Variants in RIT2 observed in about 807,000 individuals in gnomAD.
The protein encoded by RIT2 is Ras like without CAAX 2, also known as GTP-binding protein Rit2.
A neutral mutation model predicts 23.7 loss-of-function variants in RIT2; 24 were observed. The ratio of observed to expected loss-of-function variants is 1.01; its 90% CI spans 0.73 to 1.43. RIT2 has a LOEUF of 1.43. Ranked by LOEUF, RIT2 falls within the 40% of genes most tolerant of loss-of-function variation. The pLI is 0.00. For missense variants in RIT2, 236 were observed against 266.9 expected (o/e 0.88, Z 0.81); for synonymous variants, 107 against 91.1 (o/e 1.17, Z -0.99).
chr18:43,067,213 C>G (rs1465987287), intron 1 of RIT2, among the ~76,000 whole-genome samples: 1 of 151,898 alleles, frequency 6.6e-6, no homozygotes, highest in Non-Finnish European at 1.5e-5. Flanking sequence ...TAAGGAGTGA[C>G]TAAAAGGAAA....
At chr18:43,054,477 G>T (rs1320708516) in intron 1 of RIT2, among the ~76,000 whole-genome samples, 1 of 152,024 alleles carries the variant, frequency 6.6e-6, no homozygotes, top group African/African-American at 2.4e-5. Context: ...ATGGACTCAA[G>T]AATATTAATT....
chr18:42,953,434 G>A (rs1315977211), intron 3 of RIT2, among the ~76,000 whole-genome samples: 1 of 152,098 alleles, frequency 6.6e-6, no homozygotes, highest in African/African-American at 2.4e-5. Flanking sequence ...GGTAAGGCCA[G>A]GAACAGCTGT....
intron 1 of RIT2, among the ~76,000 whole-genome samples, chr18:43,040,104 T>C (rs1034496735): frequency 4.6e-5 from 7 of 152,138 alleles, no homozygotes; most frequent in African/African-American, 1.7e-4. Context: ...CCAAAAGATT[T>C]TAAAGTTCAC....
chr18:42,897,039 T>A (rs1291789765), intron 4 of RIT2, among the ~76,000 whole-genome samples: 3 of 152,226 alleles, frequency 2.0e-5, no homozygotes, highest in African/African-American at 2.4e-5. Context: ...ATACCTATCA[T>A]AATCCTTTAT....
chr18:42,891,913 T>C (rs9965337), intron 4 of RIT2, among the ~76,000 whole-genome samples: 24,246 of 152,058 alleles, frequency 0.16, 2,551 homozygotes, highest in East Asian at 0.57. Context: ...GGTGTGTCAA[T>C]GTAGATTTAT....
At chr18:42,894,104 C>A (rs1908257492) in intron 4 of RIT2, among the ~76,000 whole-genome samples, 1 of 152,180 alleles carries the variant, frequency 6.6e-6, no homozygotes, top group Admixed American at 6.5e-5. Flanking sequence ...CTTAGCTGAT[C>A]CCTTGCAGCT....
At chr18:42,899,644 A>G (rs866894170) in intron 4 of RIT2, among the ~76,000 whole-genome samples, 4 of 152,056 alleles carry the variant, frequency 2.6e-5, no homozygotes, top group African/African-American at 4.8e-5. Context: ...GGTGCATTAA[A>G]AGCTCAGCTT....
chr18:42,960,054 A>G (rs141137880), intron 3 of RIT2, among the ~76,000 whole-genome samples: 8 of 152,310 alleles, frequency 5.3e-5, no homozygotes, highest in Non-Finnish European at 1.0e-4. Flanking sequence ...TTTCAACTCT[A>G]TAGATTAATT....
intron 1 of RIT2, among the ~76,000 whole-genome samples, chr18:43,077,756 C>T (rs927525780): frequency 6.6e-6 from 1 of 152,184 alleles, no homozygotes; most frequent in Admixed American, 6.5e-5. Flanking sequence ...TTTCTACAGC[C>T]TGAACAAAGT....
chr18:42,819,250 C>CA (rs1420989986), intron 4 of RIT2, among the ~76,000 whole-genome samples: 1 of 151,954 alleles, frequency 6.6e-6, no homozygotes, highest in Non-Finnish European at 1.5e-5. Flanking sequence ...TAGGATTATG[C>CA]AAAAACAATG....
At chr18:42,989,403 G>C (rs1050680431) in intron 2 of RIT2, among the ~76,000 whole-genome samples, 2 of 151,858 alleles carry the variant, frequency 1.3e-5, no homozygotes, top group Admixed American at 6.6e-5. Flanking sequence ...AATACAATAT[G>C]AGCCACATAT....
intron 4 of RIT2, among the ~76,000 whole-genome samples, chr18:42,861,861 C>G (rs1045759464): frequency 3.9e-5 from 6 of 152,154 alleles, no homozygotes; most frequent in Non-Finnish European, 7.4e-5. Context: ...AACACCTTAT[C>G]TCCTTTAAAT....
intron 1 of RIT2, 83 bp from the exon 2 acceptor site, chr18:43,033,950 T>C (rs967911557): frequency 2.2e-6 from 2 of 915,746 alleles, no homozygotes; most frequent in Non-Finnish European, 3.4e-6. Flanking sequence ...CCACCAATCT[T>C]TTAAAAGGTT....
intron 4 of RIT2, among the ~76,000 whole-genome samples, chr18:42,792,107 G>C (rs1426970481): frequency 1.3e-5 from 2 of 152,108 alleles, no homozygotes; most frequent in African/African-American, 4.8e-5. Flanking sequence ...GCAATGGATA[G>C]GGAAAAAATA....
chr18:42,851,910 G>A (rs1408159155), intron 4 of RIT2, among the ~76,000 whole-genome samples: 1 of 152,130 alleles, frequency 6.6e-6, no homozygotes, highest in African/African-American at 2.4e-5. Context: ...ACTCCCATGG[G>A]TAATATTTGC....
chr18:42,841,010 G>T (rs964554920), intron 4 of RIT2, among the ~76,000 whole-genome samples: 13 of 152,126 alleles, frequency 8.5e-5, no homozygotes, highest in African/African-American at 3.1e-4. Context: ...TTCCTGTTTG[G>T]CAAGACCTGA....
intron 3 of RIT2, among the ~76,000 whole-genome samples, chr18:42,941,380 C>G (rs1187438705): frequency 6.6e-6 from 1 of 151,824 alleles, no homozygotes; most frequent in Non-Finnish European, 1.5e-5. Context: ...CATAATTTTA[C>G]TTATTTTTCT....
At chr18:42,848,544 ATT>A (rs1474581273) in intron 4 of RIT2, among the ~76,000 whole-genome samples, 1 of 152,220 alleles carries the variant, frequency 6.6e-6, no homozygotes, top group Non-Finnish European at 1.5e-5. Flanking sequence ...ATATGTATTT[ATT>A]CCATAAAAAA....
chr18:42,989,308 TGG>T (rs946236023), intron 2 of RIT2, among the ~76,000 whole-genome samples: 1 of 152,170 alleles, frequency 6.6e-6, no homozygotes, highest in Non-Finnish European at 1.5e-5. Flanking sequence ...AGTGTTGGGC[TGG>T]GACTGGGATT....
Sources: gnomAD v4.1 joint callset for allele counts (sites outside exome capture counted in the v4.1 genomes callset) on GRCh38, gnomAD v4.1.1 for gene constraint, MANE v1.5 for transcripts, NCBI Gene and HGNC (gene_info 2026-07-23, HGNC 2026-07-21) for gene names.